MAPK6: variants seen among roughly 807,000 people sequenced by gnomAD.
MAPK6 encodes the protein ERK-3.
In MAPK6, 19 loss-of-function variants were observed where a neutral mutation model predicts 59.3. The ratio of observed to expected loss-of-function variants is 0.32; its 90% confidence interval spans 0.22 to 0.47. The LOEUF (loss-of-function observed/expected upper bound fraction) is 0.47, where lower values mean the gene tolerates loss of function less well. Ranked by LOEUF, MAPK6 falls within the 20% of genes least tolerant of loss-of-function variation. MAPK6 has a pLI of 1.00. For synonymous variants in MAPK6, 316 were observed against 290.3 expected (o/e 1.09, Z -0.90); for missense variants, 724 against 847.9 (o/e 0.85, Z 1.81).
intron 1 of MAPK6, among the ~76,000 whole-genome samples, chr15:52,026,645 A>G (rs1004950480): frequency 5.9e-5 from 9 of 152,242 alleles, no homozygotes; most frequent in African/African-American, 1.2e-4. Flanking sequence ...TCACAGGCCT[A>G]TGTCCAAATC....
chr15:52,035,113 C>G (rs2031192502), intron 1 of MAPK6, among the ~76,000 whole-genome samples: 1 of 152,190 alleles, frequency 6.6e-6, no homozygotes, highest in African/African-American at 2.4e-5. Context: ...TAGTCTCATC[C>G]AAGATTTTCC....
At chr15:52,053,576 G>T (rs1051158313) in intron 3 of MAPK6, among the ~76,000 whole-genome samples, 16 of 151,176 alleles carry the variant, frequency 1.1e-4, no homozygotes, top group Non-Finnish European at 1.9e-4. Flanking sequence ...TCTTTATAGT[G>T]TCTTTTGAAA....
rs540713989 is a variant in MAPK6 at position 52,028,593 on chromosome 15, T to A, written c.-632+9217T>A. On this transcript the variant is annotated intron_variant, in intron 1 of 5. Transcript: ENST00000261845. ...TTTAGGTCCTCAGTGATGCTAGTCA[T>A]ATTTCAGTTGTTCAGTAGCCATATA... Among the ~76,000 whole-genome samples, 4 of 152,348 alleles carry A rather than the reference T, an allele frequency of 2.6e-5. No homozygotes were observed. The South Asian group carries it at 8.3e-4, about 32-fold the overall frequency.
At chr15:52,049,351 ATTTTTTTTT>A (rs60965378) in intron 2 of MAPK6, among the ~76,000 whole-genome samples, 1 of 109,736 alleles carries the variant, frequency 9.1e-6, no homozygotes, top group South Asian at 3.2e-4. Flanking sequence ...GAGTTATATA[ATTTTTTTTT>A]TTTTTTTTTT....
intron 1 of MAPK6, among the ~76,000 whole-genome samples, chr15:52,030,277 C>A (rs2030975973): frequency 6.6e-6 from 1 of 152,194 alleles, no homozygotes; most frequent in African/African-American, 2.4e-5. Context: ...GTTGGTCTTT[C>A]CTTACTAGAA....
intron 4 of MAPK6, among the ~76,000 whole-genome samples, 168 bp from the exon 5 acceptor site, chr15:52,061,131 A>G (rs1249622047): frequency 6.6e-6 from 1 of 152,164 alleles, no homozygotes; most frequent in Non-Finnish European, 1.5e-5. Context: ...TTTCCCTTTT[A>G]TAAGATGGGG....
chr15:52,019,263 G>A lies in MAPK6; in HGVS notation c.-745G>A, dbSNP rs2030389285. On this transcript the variant is annotated 5_prime_UTR_variant, in exon 1 of 6. Coordinates refer to ENST00000261845, the MANE Select transcript of MAPK6 (RefSeq NM_002748.4). ...GGGTCGGGGTTACATGGCGGCGACTGCGGCAAAGCGAGAGCCTCGGAGACG... is the reference window on the plus strand; with the variant it reads ...GGGTCGGGGTTACATGGCGGCGACTACGGCAAAGCGAGAGCCTCGGAGACG... 1 of 152,268 alleles carries A rather than the reference G, an allele frequency of 6.6e-6. No homozygotes were observed. The highest frequency in any genetic ancestry group is 3.4e-3 in the Middle Eastern group (1 of 298). 9.4% of individuals were successfully genotyped at this position (152,268 alleles called of 1,614,324 possible). A position where few individuals can be genotyped will look rare whatever the true frequency, so the allele number is the denominator to read the frequency against.
intron 1 of MAPK6, among the ~76,000 whole-genome samples, 183 bp downstream of exon 1, chr15:52,019,559 C>A (rs553580830): frequency 0.024 from 3,446 of 146,346 alleles, 47 homozygotes; most frequent in Middle Eastern, 0.1. Flanking sequence ...CGCCCGCCCC[C>A]TGCTCGCCCG....
At chr15:52,025,202 C>T (rs1034446487) in intron 1 of MAPK6, among the ~76,000 whole-genome samples, 1 of 152,098 alleles carries the variant, frequency 6.6e-6, no homozygotes, top group Non-Finnish European at 1.5e-5. Flanking sequence ...GATCGCACCG[C>T]AGCGTTCCAG....
chr15:52,013,340 T>C (rs2030146836), intron 3 of MAPK6, among the ~76,000 whole-genome samples: 1 of 152,104 alleles, frequency 6.6e-6, no homozygotes, highest in African/African-American at 2.4e-5. Context: ...CTGTCTTTAA[T>C]GATTTATATC....
intron 3 of MAPK6, among the ~76,000 whole-genome samples, chr15:52,054,509 C>G (rs1369163117): frequency 6.6e-6 from 1 of 152,130 alleles, no homozygotes; most frequent in Non-Finnish European, 1.5e-5. Flanking sequence ...GTTGACCACA[C>G]ATGTAAAATA....
At position 51,998,467 on chromosome 15, in the gene MAPK6, A is replaced by G. The variant is rs569628580; in HGVS notation, c.-769-5798A>G. On this transcript the variant is annotated intron_variant, in intron 2 of 7. Transcript: ENST00000691380. ...TGATCCACCGGCCTCAGCCTCATAA[A>G]GTGCTGGGATTACAGGCATGAGCCA... is the stretch of plus-strand genomic sequence containing the variant. 2.6e-3 allele frequency among the ~76,000 whole-genome samples: 384 copies of G among 148,204 alleles called. 1 individual carries two copies. The highest frequency in any genetic ancestry group is 9.0e-3 in the African/African-American group (365 of 40,450).
chr15:52,016,102 AC>A (rs2030255498), upstream of MAPK6, among the ~76,000 whole-genome samples: 2 of 144,386 alleles, frequency 1.4e-5, no homozygotes, highest in African/African-American at 5.1e-5. Flanking sequence ...ACACACACAC[AC>A]ACACAAACTA....
intron 1 of MAPK6, among the ~76,000 whole-genome samples, chr15:52,041,226 T>C (rs138203613): frequency 0.055 from 8,384 of 152,280 alleles, 444 homozygotes; most frequent in African/African-American, 0.13. Context: ...GATGGAATTT[T>C]GCTCTTGTTG....
chr15:51,980,552 T>C (rs77468465), intron 1 of MAPK6, among the ~76,000 whole-genome samples: 4,107 of 148,532 alleles, frequency 0.028, 185 homozygotes, highest in African/African-American at 0.097. Context: ...TTGCCTCAAG[T>C]ATTTTTTTGT....
At chr15:51,983,254 A>G (rs1294718765) in exon 2 of MAPK6, among the ~76,000 whole-genome samples, 1 of 152,130 alleles carries the variant, frequency 6.6e-6, no homozygotes, top group African/African-American at 2.4e-5. Context: ...TGGGAGGCCA[A>G]GGTGGGCAGA....
intron 1 of MAPK6, among the ~76,000 whole-genome samples, chr15:51,974,724 T>TC (rs1477567770): frequency 1.5e-4 from 23 of 149,804 alleles, no homozygotes; most frequent in Non-Finnish European, 2.5e-4. Context: ...AATTTCTTTT[T>TC]TCCCCCCCCG....
At chr15:52,019,155 CG>C (rs1357021876), upstream of MAPK6, 1 of 152,036 alleles carries the variant, frequency 6.6e-6, no homozygotes, top group African/African-American at 2.4e-5. Context: ...AGGGCGGGGG[CG>C]GGAGAACCCG....
intron 4 of MAPK6, 47 bp from the exon 5 acceptor site, chr15:52,061,252 A>C (rs957393813): frequency 7.1e-7 from 1 of 1,402,106 alleles, no homozygotes; most frequent in Non-Finnish European, 1.0e-6. Context: ...TGTTTTTCTA[A>C]AGGTAAGCAA....
Sources: gnomAD v4.1 joint callset for allele counts (sites outside exome capture counted in the v4.1 genomes callset) on GRCh38, gnomAD v4.1.1 for gene constraint, MANE v1.5 for transcripts, NCBI Gene and HGNC (gene_info 2026-07-23, HGNC 2026-07-21) for gene names.